The following CREB5 variants were observed in gnomAD, a reference collection of about 807,000 sequenced individuals.
The protein encoded by CREB5 is cyclic AMP-responsive element-binding protein 5.
In CREB5, 19 loss-of-function variants were observed where a neutral mutation model predicts 57.1. The ratio of observed to expected loss-of-function variants is 0.33; its 90% CI spans 0.23 to 0.49. CREB5 has a LOEUF of 0.49. Ranked by LOEUF, CREB5 falls within the 20% of genes least tolerant of loss-of-function variation. CREB5 has a pLI of 0.99. For missense variants in CREB5, 579 were observed against 671.6 expected (o/e 0.86, Z 1.52); for synonymous variants, 238 against 238.3 (o/e 1.00, Z 0.01).
At chr7:28,468,564 T>G (rs1790684115) in intron 1 of CREB5, among the ~76,000 whole-genome samples, 1 of 152,180 alleles carries the variant, frequency 6.6e-6, no homozygotes, top group Non-Finnish European at 1.5e-5. Flanking sequence ...AAGGAGGTGC[T>G]AAGAATAATA....
Position 28,488,075 on chromosome 7 carries a change from AG to A in CREB5, c.4-95del, listed in dbSNP as rs542088762. The A allele has an allele frequency of 1.3e-4, 127 of 1,002,254 alleles. No individual in the cohort carries two copies. In the African/African-American group the frequency reaches 1.9e-3, roughly 15 times the overall value. The allele number at this position is 1,002,254 out of a possible 1,614,324, so 62.1% of individuals were successfully genotyped here. A position where few individuals can be genotyped will look rare whatever the true frequency, so the allele number is the denominator to read the frequency against. On this transcript the variant is annotated intron_variant, in intron 1 of 10. Coordinates refer to ENST00000357727, the MANE Select transcript of CREB5 (RefSeq NM_182898.4). ...ATCTAATTTTGGTATTGGCATAGAA[AG>A]GGGGCTCTGAGTGATTGCCTTTCTC...
At chr7:28,524,547 A>T (rs539379623) in intron 4 of CREB5, among the ~76,000 whole-genome samples, 1 of 152,326 alleles carries the variant, frequency 6.6e-6, no homozygotes, top group Non-Finnish European at 1.5e-5. Context: ...AGCTAGAATT[A>T]TTGAGGATAA....
At chr7:28,610,450 T>C (rs1797339585) in intron 5 of CREB5, among the ~76,000 whole-genome samples, 1 of 152,100 alleles carries the variant, frequency 6.6e-6, no homozygotes, top group South Asian at 2.1e-4. Context: ...GCCTGATGGA[T>C]TTTTAAGTAT....
intron 7 of CREB5, among the ~76,000 whole-genome samples, chr7:28,750,386 G>C (rs1804913105): frequency 6.6e-6 from 1 of 152,090 alleles, no homozygotes; most frequent in Non-Finnish European, 1.5e-5. Context: ...GGTTAATCTT[G>C]CTTGTTTTTG....
chr7:28,721,384 G>A (rs902422710), intron 6 of CREB5, among the ~76,000 whole-genome samples: 3 of 152,194 alleles, frequency 2.0e-5, no homozygotes, highest in Non-Finnish European at 4.4e-5. Flanking sequence ...TTTCTAAAAA[G>A]CATATCGTAA....
intron 7 of CREB5, among the ~76,000 whole-genome samples, chr7:28,799,455 C>T (rs1808241080): frequency 6.6e-6 from 1 of 152,192 alleles, no homozygotes; most frequent in Admixed American, 6.5e-5. Context: ...ATGTTAAAAG[C>T]ATTGCTAGCA....
chr7:28,565,101 C>T (rs991464492), intron 4 of CREB5, among the ~76,000 whole-genome samples: 2 of 152,108 alleles, frequency 1.3e-5, no homozygotes, highest in African/African-American at 2.4e-5. Context: ...AACTCCCAAG[C>T]CTGTATATTT....
rs111870382 is a variant in CREB5 at position 28,342,134 on chromosome 7, C to T, written c.-25+42693C>T. The stretch of plus-strand genomic sequence containing the variant: ...GTGTTGGAAGCAGAGAATGTCCTGT[C>T]CCCCTCTGCTCTTCTCCATCTATAT... On this transcript the variant is annotated intron_variant, in intron 1 of 9. Coordinates refer to the CREB5 transcript ENST00000396299. 6.3e-3 allele frequency among the ~76,000 whole-genome samples: 965 copies of T among 152,322 alleles called. 6 individuals are homozygous for T. The highest frequency in any genetic ancestry group is 0.022 in the African/African-American group (910 of 41,566).
intron 7 of CREB5, among the ~76,000 whole-genome samples, chr7:28,743,190 C>T (rs967637785): frequency 1.1e-4 from 16 of 152,120 alleles, no homozygotes; most frequent in Non-Finnish European, 1.8e-4. Flanking sequence ...TTTGCCAAAA[C>T]ATGGCAGGGA....
At chr7:28,388,705 A>G (rs377207189) in intron 1 of CREB5, among the ~76,000 whole-genome samples, 6 of 152,330 alleles carry the variant, frequency 3.9e-5, no homozygotes, top group African/African-American at 1.4e-4. Flanking sequence ...TAGAAAACCA[A>G]AACTGAGCCT....
At chr7:28,318,299 T>A (rs966998742) in intron 1 of CREB5, among the ~76,000 whole-genome samples, 8 of 152,212 alleles carry the variant, frequency 5.3e-5, no homozygotes, top group Admixed American at 1.3e-4. Flanking sequence ...CAATCTGCAA[T>A]GTATTGGTTC....
At chr7:28,784,865 C>T (rs1022873853) in intron 7 of CREB5, among the ~76,000 whole-genome samples, 8 of 152,146 alleles carry the variant, frequency 5.3e-5, no homozygotes, top group Middle Eastern at 3.2e-3. Flanking sequence ...GGAATCGAAG[C>T]GGCTGCTTGA....
chr7:28,702,232 A>G (rs1801899331), intron 5 of CREB5, among the ~76,000 whole-genome samples: 1 of 152,246 alleles, frequency 6.6e-6, no homozygotes, highest in South Asian at 2.1e-4. Context: ...AATTTTATAT[A>G]AAAGTTATAG....
chr7:28,418,939 C>T lies in CREB5; in HGVS notation c.3+6022C>T, dbSNP rs541056201. Reference sequence around the variant, plus strand: ...TTTGTATTTATAAATAACATTCTTTCGGGTGCTTTCCCATGCATTATTTGC... The same window carrying T: ...TTTGTATTTATAAATAACATTCTTTTGGGTGCTTTCCCATGCATTATTTGC... On this transcript the variant is annotated intron_variant, in intron 1 of 10. Coordinates refer to ENST00000357727, the MANE Select transcript of CREB5 (RefSeq NM_182898.4). Among the ~76,000 whole-genome samples, 8 of 152,320 alleles carry T rather than the reference C, an allele frequency of 5.3e-5. No individual in the cohort carries two copies. In the East Asian group the frequency reaches 5.8e-4, roughly 11 times the overall value.
chr7:28,407,449 G>A (rs960951073), intron 1 of CREB5, among the ~76,000 whole-genome samples: 4 of 152,136 alleles, frequency 2.6e-5, no homozygotes, highest in Non-Finnish European at 5.9e-5. Flanking sequence ...TGAGAACCAG[G>A]CGTCAAGTAG....
At chr7:28,488,477 A>G (rs1471783422) in intron 2 of CREB5, among the ~76,000 whole-genome samples, 1 of 152,206 alleles carries the variant, frequency 6.6e-6, no homozygotes, top group Non-Finnish European at 1.5e-5. Flanking sequence ...TAGCAGTGTT[A>G]GGCATTTCTG....
intron 1 of CREB5, among the ~76,000 whole-genome samples, chr7:28,474,130 G>C (rs777315140): frequency 3.3e-5 from 5 of 152,204 alleles, no homozygotes; most frequent in Admixed American, 6.5e-5. Context: ...ATGAGGCTCT[G>C]TGGAGAGGGG....
chr7:28,665,178 T>C (rs1799774652), intron 5 of CREB5, among the ~76,000 whole-genome samples: 1 of 152,102 alleles, frequency 6.6e-6, no homozygotes, highest in African/African-American at 2.4e-5. Context: ...TGCTGGGTAA[T>C]GAATTTCCAT....
intron 5 of CREB5, among the ~76,000 whole-genome samples, chr7:28,672,753 AG>A (rs1242467565): frequency 6.6e-6 from 1 of 152,216 alleles, no homozygotes; most frequent in East Asian, 1.9e-4. Flanking sequence ...ATTACTCAGA[AG>A]GGGGTCTGGA....
Sources: allele counts gnomAD v4.1 joint callset (sites outside exome capture counted in the v4.1 genomes callset), GRCh38; gene constraint gnomAD v4.1.1; transcripts MANE v1.5; gene names NCBI Gene and HGNC (gene_info 2026-07-23, HGNC 2026-07-21).